Variants in CEP83 observed in about 807,000 individuals in gnomAD.
CEP83 encodes the protein centrosomal protein of 83 kDa.
CEP83 carries 70 observed loss-of-function variants against 101.9 expected under a neutral mutation model. The observed-to-expected ratio is 0.69, with a 90% CI of 0.57 to 0.84. The LOEUF (loss-of-function observed/expected upper bound fraction) is 0.84, where lower values mean the gene tolerates loss of function less well. CEP83 is among the 40% of genes least tolerant of loss of function. The pLI is 0.00. For synonymous variants in CEP83, 264 were observed against 267.9 expected (o/e 0.99, Z 0.14); for missense variants, 715 against 787.2 (o/e 0.91, Z 1.10).
intron 6 of CEP83, among the ~76,000 whole-genome samples, chr12:94,394,716 A>G (rs2062773847): frequency 6.6e-6 from 1 of 152,224 alleles, no homozygotes; most frequent in South Asian, 2.1e-4. Context: ...AAATTTTTAC[A>G]ATCTACTCAT....
chr12:94,387,641 C>CA (rs1287461913), intron 6 of CEP83, among the ~76,000 whole-genome samples: 1 of 152,112 alleles, frequency 6.6e-6, no homozygotes, highest in Non-Finnish European at 1.5e-5. Context: ...ACAGAGTAAA[C>CA]AGACAACCCA....
In CEP83 at chr12:94,412,512, C is replaced by A. The variant is rs1477461827; in HGVS notation, c.-22G>T. ...CCATGTAAAAATAAGTTTTGGCTTT[C>A]TTACTGTTTTAGTTTTCTTTCCAAG... On this transcript the variant is annotated 5_prime_UTR_variant, in exon 3 of 17. Coordinates refer to ENST00000397809, the MANE Select transcript of CEP83 (RefSeq NM_016122.3). The A allele has an allele frequency of 6.2e-7, 1 of 1,606,452 alleles. No individual in the cohort carries two copies. The highest frequency in any genetic ancestry group is 2.3e-5 in the East Asian group (1 of 44,308).
intron 14 of CEP83, among the ~76,000 whole-genome samples, chr12:94,330,875 G>A (rs909311180): frequency 5.3e-5 from 8 of 152,140 alleles, no homozygotes; most frequent in Non-Finnish European, 1.0e-4. Context: ...AAACAAACCT[G>A]CTGGACAGTT....
intron 11 of CEP83, among the ~76,000 whole-genome samples, chr12:94,350,391 G>A (rs900696649): frequency 6.6e-6 from 1 of 152,060 alleles, no homozygotes; most frequent in African/African-American, 2.4e-5. Flanking sequence ...ATGAAGAAAG[G>A]GCAATGTTGT....
intron 1 of CEP83, among the ~76,000 whole-genome samples, chr12:94,443,771 G>A (rs1722391566): frequency 1.3e-5 from 2 of 152,162 alleles, no homozygotes; most frequent in Non-Finnish European, 2.9e-5. Flanking sequence ...ACAGGCATGA[G>A]CCACTGTGCC....
chr12:94,291,651 C>T, the CEP83 span, among the ~76,000 whole-genome samples: 1 of 152,176 alleles, frequency 6.6e-6, no homozygotes, highest in African/African-American at 2.4e-5. Context: ...ATTTTCATCC[C>T]TCCCGAAGAA....
chr12:94,321,062 G>A (rs2058724184), intron 14 of CEP83, among the ~76,000 whole-genome samples: 1 of 152,026 alleles, frequency 6.6e-6, no homozygotes, highest in Non-Finnish European at 1.5e-5. Context: ...TGGAGGTTTT[G>A]TTCATTCTTT....
the CEP83 span, among the ~76,000 whole-genome samples, chr12:94,268,819 T>C: frequency 1.3e-5 from 2 of 152,184 alleles, no homozygotes; most frequent in East Asian, 3.9e-4. Context: ...GGTCTTGAAC[T>C]CCTGGCCTCA....
intron 4 of CEP83, among the ~76,000 whole-genome samples, chr12:94,409,142 C>T (rs2063727804): frequency 6.6e-6 from 1 of 151,736 alleles, no homozygotes; most frequent in East Asian, 1.9e-4. Flanking sequence ...GTTGAATTTA[C>T]TTTTCTAAAC....
chr12:94,298,690 G>A, the CEP83 span: 3 of 1,612,372 alleles, frequency 1.9e-6, no homozygotes, highest in East Asian at 6.7e-5. Flanking sequence ...TTACCCAACA[G>A]CAGAGCTCCA....
At chr12:94,425,964 C>CA (rs956763986) in intron 2 of CEP83, among the ~76,000 whole-genome samples, 11 of 151,316 alleles carry the variant, frequency 7.3e-5, no homozygotes, top group African/African-American at 2.7e-4. Flanking sequence ...ACTAAAAATA[C>CA]AAAAAAAATT....
At chr12:94,400,622 T>C (rs898598710) in intron 6 of CEP83, among the ~76,000 whole-genome samples, 2 of 150,174 alleles carry the variant, frequency 1.3e-5, no homozygotes, top group Admixed American at 6.7e-5. Flanking sequence ...TCTATCTCCA[T>C]TGGCTGGACA....
At chr12:94,451,881 A>G (rs1407008534) in intron 1 of CEP83, among the ~76,000 whole-genome samples, 14 of 152,204 alleles carry the variant, frequency 9.2e-5, no homozygotes, top group Admixed American at 9.2e-4. Flanking sequence ...ATAACAGCCA[A>G]AAACTGGAAA....
At chr12:94,327,471 T>C (rs2059019931) in intron 14 of CEP83, among the ~76,000 whole-genome samples, 1 of 152,236 alleles carries the variant, frequency 6.6e-6, no homozygotes, top group Non-Finnish European at 1.5e-5. Flanking sequence ...TTTCTCTAAT[T>C]TGAATTATTC....
downstream of CEP83, among the ~76,000 whole-genome samples, chr12:94,302,243 C>T (rs2136232323): frequency 6.6e-6 from 1 of 152,292 alleles, no homozygotes; most frequent in East Asian, 1.9e-4. Flanking sequence ...GCCCCACATA[C>T]CCACTGTGCT....
In CEP83 at chr12:94,367,857, T is replaced by C. The variant is rs199501110; in HGVS notation, c.1280A>G (p.Glu427Gly). The C allele has an allele frequency of 2.1e-4, 345 of 1,613,686 alleles. No homozygotes were observed. Among genetic ancestry groups the C allele is most frequent in the Non-Finnish European group, 2.7e-4 (313 of 1,179,852 alleles). The change falls in exon 11 of 17, where the codon GAA becomes GGA. Residue 427 changes from glutamate (E) to glycine (G), a missense_variant. Glu to Gly is a moderately conservative substitution (Grantham distance 98, BLOSUM62 -2). Transcript: ENST00000397809. ...CATCTGTGAAGCCCGCAATTTCTCT[T>C]CATACTGATCCTTTTCAGATTGCCT... ...VWRQSEKDQY[E>G]EKLRASQMAE...
chr12:94,270,612 G>A, the CEP83 span, among the ~76,000 whole-genome samples: 1 of 127,364 alleles, frequency 7.9e-6, no homozygotes, highest in East Asian at 2.6e-4. Flanking sequence ...CCCTGCACCC[G>A]CAAATACTGT....
chr12:94,446,831 G>A (rs1052187458), intron 1 of CEP83, among the ~76,000 whole-genome samples: 4 of 152,060 alleles, frequency 2.6e-5, no homozygotes, highest in Non-Finnish European at 4.4e-5. Context: ...AGAAATAATC[G>A]CCAAAAACTT....
downstream of CEP83, among the ~76,000 whole-genome samples, chr12:94,303,293 ATTAC>A (rs918700858): frequency 1.1e-4 from 17 of 152,268 alleles, no homozygotes; most frequent in East Asian, 1.9e-3. Flanking sequence ...GCCTCTGCCA[ATTAC>A]TTACCAGTTT....
Sources: allele counts gnomAD v4.1 joint callset (sites outside exome capture counted in the v4.1 genomes callset), GRCh38; gene constraint gnomAD v4.1.1; transcripts MANE v1.5; gene names NCBI Gene and HGNC (gene_info 2026-07-23, HGNC 2026-07-21).